The following F10 variants were observed in gnomAD, a reference collection of about 807,000 sequenced individuals.
F10 encodes coagulation factor X.
A neutral mutation model predicts 37.1 loss-of-function variants in F10; 29 were observed. That is an observed-to-expected ratio of 0.78 (90% CI 0.58 to 1.07). F10 has a LOEUF of 1.07. Ranked by LOEUF, F10 falls within the 50% of genes least tolerant of loss-of-function variation. The pLI, the probability that F10 is intolerant of heterozygous loss-of-function variation, is 0.00. For synonymous variants in F10, 262 were observed against 268.6 expected (o/e 0.98, Z 0.24); for missense variants, 539 against 667.9 (o/e 0.81, Z 2.13).
chr13:113,140,792 T>C, intron 4 of F10, 127 bp from the exon 5 acceptor site: 1 of 1,417,252 alleles, frequency 7.1e-7, no homozygotes, highest in South Asian at 1.2e-5. Flanking sequence ...CGCCTGGCTC[T>C]GGCCCTTTGC....
intron 7 of F10, 50 bp from the exon 8 acceptor site, chr13:113,148,866 G>A (rs994331799): frequency 1.8e-5 from 29 of 1,588,918 alleles, no homozygotes; most frequent in South Asian, 1.2e-4. Context: ...ACGGATGTGC[G>A]AGAGCATGTC....
intron 2 of F10, among the ~76,000 whole-genome samples, chr13:113,137,523 T>A (rs1273569083): frequency 6.6e-6 from 1 of 152,148 alleles, no homozygotes; most frequent in Non-Finnish European, 1.5e-5. Context: ...AAGAAGATAG[T>A]GTATTTGCTT....
chr13:113,124,062 C>T (rs1268540514), intron 1 of F10, among the ~76,000 whole-genome samples: 3 of 152,236 alleles, frequency 2.0e-5, no homozygotes, highest in Non-Finnish European at 4.4e-5. Flanking sequence ...AGCTACTCTG[C>T]AAACAGACAG....
Position 113,129,629 on chromosome 13 carries a change from G to T in F10, c.231+17G>T. 6.2e-7 allele frequency: 1 copy of T among 1,613,920 alleles called. No homozygotes were observed. The highest frequency in any genetic ancestry group is 1.1e-5 in the South Asian group (1 of 91,058). On this transcript the variant is annotated intron_variant, in intron 2 of 7. Transcript: ENST00000375559. Reference sequence around the variant, plus strand: ...GACAAGACGGTAAGGGCTGGGGATAGCCTGGCTGTTGGTAAGGAGCTCAGG... The same window carrying T: ...GACAAGACGGTAAGGGCTGGGGATATCCTGGCTGTTGGTAAGGAGCTCAGG...
chr13:113,148,363 T>TATATATATATATATAC (rs56165023), intron 7 of F10, among the ~76,000 whole-genome samples: 1 of 110,360 alleles, frequency 9.1e-6, no homozygotes, highest in East Asian at 3.0e-4. Context: ...TATATATATA[T>TATATATATATATATAC]GTATATATAT....
intron 2 of F10, among the ~76,000 whole-genome samples, chr13:113,138,230 A>G (rs964692224): frequency 6.6e-6 from 1 of 152,194 alleles, no homozygotes. Context: ...TTCAATATTC[A>G]ACAAAGATGG....
At chr13:113,147,126 G>T (rs939477273) in intron 6 of F10, among the ~76,000 whole-genome samples, 19 of 152,346 alleles carry the variant, frequency 1.2e-4, no homozygotes, top group Non-Finnish European at 2.5e-4. Context: ...CAGATGTGTC[G>T]TGTGCATGAG....
chr13:113,140,743 G>A (rs979729486), intron 4 of F10, 176 bp from the exon 5 acceptor site: 38 of 906,166 alleles, frequency 4.2e-5, no homozygotes, highest in Admixed American at 9.1e-5. Flanking sequence ...TGAGCTCCCC[G>A]TGACCCGTGA....
chr13:113,145,293 T>A (rs945020715), intron 6 of F10, among the ~76,000 whole-genome samples: 1 of 152,228 alleles, frequency 6.6e-6, no homozygotes, highest in Non-Finnish European at 1.5e-5. Context: ...CCCAAAGTGC[T>A]GGAGTTACAG....
At chr13:113,125,943 C>T (rs111374231) in intron 1 of F10, among the ~76,000 whole-genome samples, 4 of 148,386 alleles carry the variant, frequency 2.7e-5, no homozygotes, top group African/African-American at 9.9e-5. Context: ...GTGGGGGCAA[C>T]GTCAGAGGGC....
At chr13:113,142,969 A>G (rs921345330) in intron 5 of F10, among the ~76,000 whole-genome samples, 5 of 152,070 alleles carry the variant, frequency 3.3e-5, no homozygotes, top group African/African-American at 1.2e-4. Context: ...ATAATGGATG[A>G]ACTCAGAACT....
chr13:113,136,280 G>A (rs1003511298), intron 2 of F10, among the ~76,000 whole-genome samples: 7 of 152,114 alleles, frequency 4.6e-5, no homozygotes, highest in African/African-American at 1.7e-4. Flanking sequence ...CTGCTCGTGG[G>A]AATGCAAAAT....
chr13:113,148,364 G>GTA (rs1285144261), intron 7 of F10, among the ~76,000 whole-genome samples: 455 of 73,698 alleles, frequency 6.2e-3, no homozygotes, highest in African/African-American at 0.02. Flanking sequence ...ATATATATAT[G>GTA]TATATATATA....
At position 113,141,138 on chromosome 13, in the gene F10, A is replaced by T; in HGVS notation, c.502+88A>T. On this transcript the variant is annotated intron_variant, in intron 5 of 7. Transcript: ENST00000375559. This position sits in a 1 kb window ranked among gnomAD's most constrained non-coding sequence, Gnocchi z 5.4. ...CGTGCCAGGGGGTGGGGACACAGGC[A>T]TGTTCTGGGCGGGCCTGGCAGGTAA... 6.3e-7 allele frequency: 1 copy of T among 1,577,172 alleles called. No individual in the cohort carries two copies. The highest frequency in any genetic ancestry group is 8.6e-7 in the Non-Finnish European group (1 of 1,163,214).
Position 113,136,690 on chromosome 13 carries a change from G to GC in F10, c.232-1764dup, listed in dbSNP as rs1428666026. 5.8e-4 allele frequency among the ~76,000 whole-genome samples: 4 copies of GC among 6,928 alleles called. 1 individual carries two copies. In the South Asian group the frequency reaches 0.03, roughly 52 times the overall value. The allele number at this position is 6,928 out of a possible 152,430, so 4.5% of individuals were successfully genotyped here. A position where few individuals can be genotyped will look rare whatever the true frequency, so the allele number is the denominator to read the frequency against. Reference sequence around the variant, plus strand: ...TTTTGAGACGGAGTCTCGCTCTGTCGCCCAGGCTGGAGTGCAGTGGCGGGA... The same window carrying GC: ...TTTTGAGACGGAGTCTCGCTCTGTCGCCCCAGGCTGGAGTGCAGTGGCGGGA... On this transcript the variant is annotated intron_variant, in intron 2 of 7. Coordinates refer to ENST00000375559, the MANE Select transcript of F10 (RefSeq NM_000504.4).
intron 4 of F10, 141 bp from the exon 5 acceptor site, chr13:113,140,775 TACC>T: frequency 8.1e-7 from 1 of 1,238,568 alleles, no homozygotes; most frequent in Non-Finnish European, 1.2e-6. Context: ...AAGGCAAGTG[TACC>T]TGTCGCCTGG....
chr13:113,138,471 T>C lies in F10; in HGVS notation c.246T>C (p.Asn82=). The change falls in exon 3 of 8, where the codon AAT becomes AAC. Residue 82 remains asparagine, a synonymous_variant. Transcript: ENST00000375559. ...EDSDKTNEFW[N]KYKDGDQCET... ...TTTCCTTTTAGAATGAATTCTGGAA[T>C]AAATACAAAGGTCAGTATTTTTTCT... 5 of 1,384,888 alleles carry C rather than the reference T, an allele frequency of 3.6e-6. No individual in the cohort carries two copies. Among genetic ancestry groups the C allele is most frequent in the Non-Finnish European group, 5.1e-6 (5 of 977,816 alleles). 85.8% of individuals were successfully genotyped at this position (1,384,888 alleles called of 1,614,324 possible). A position where few individuals can be genotyped will look rare whatever the true frequency, so the allele number is the denominator to read the frequency against.
At chr13:113,130,151 C>A (rs995978387) in intron 2 of F10, 1 of 195,592 alleles carries the variant, frequency 5.1e-6, no homozygotes, top group Non-Finnish European at 1.1e-5. Context: ...ACTGCGCCTG[C>A]GCAGCAAAAG....
In F10 at chr13:113,144,992, C is replaced by T. The variant is rs2036567957; in HGVS notation, c.747+897C>T. ...CTCCCAGGTTCATGTCATTCTCCTG[C>T]TTCAGCCTCCCGAGTAGCTGGGACT... is the stretch of plus-strand genomic sequence containing the variant. On this transcript the variant is annotated intron_variant, in intron 6 of 7. Transcript: ENST00000375559. The surrounding 1 kb of genome is among the most constrained non-coding windows in gnomAD (Gnocchi z 6.4). Among the ~76,000 whole-genome samples, 2 of 152,158 alleles carry T rather than the reference C, an allele frequency of 1.3e-5. No individual in the cohort carries two copies. Among genetic ancestry groups the T allele is most frequent in the Non-Finnish European group, 2.9e-5 (2 of 68,034 alleles).
Sources: gnomAD v4.1 joint callset for allele counts (sites outside exome capture counted in the v4.1 genomes callset) on GRCh38, gnomAD v4.1.1 for gene constraint, Gnocchi (gnomAD v3.1) non-coding constraint, MANE v1.5 for transcripts, NCBI Gene and HGNC (gene_info 2026-07-23, HGNC 2026-07-21) for gene names.